Variants in GEMIN5 observed in about 807,000 individuals in gnomAD.
GEMIN5 encodes gem nuclear organelle associated protein 5.
In GEMIN5, 124 loss-of-function variants were observed where a neutral mutation model predicts 176.9. The ratio of observed to expected loss-of-function variants is 0.70; its 90% CI spans 0.61 to 0.81. GEMIN5 has a LOEUF of 0.81. GEMIN5 is among the 40% of genes least tolerant of loss of function. GEMIN5 has a pLI of 0.00. For missense variants in GEMIN5, 1,843 were observed against 1,814.6 expected (o/e 1.02, Z -0.28); for synonymous variants, 673 against 665.2 (o/e 1.01, Z -0.18).
chr5:154,902,490 A>G (rs1763485405), intron 20 of GEMIN5, 49 bp downstream of exon 20: 4 of 1,581,330 alleles, frequency 2.5e-6, no homozygotes, highest in Non-Finnish European at 3.5e-6. Flanking sequence ...GACGTATCCT[A>G]GAGATGATAG....
intron 8 of GEMIN5, among the ~76,000 whole-genome samples, 158 bp from the exon 9 acceptor site, chr5:154,924,712 G>C (rs188420129): frequency 6.6e-6 from 1 of 152,182 alleles, no homozygotes; most frequent in Non-Finnish European, 1.5e-5. Context: ...AAAGTCGGCC[G>C]GGCGCAGTGG....
At chr5:154,904,789 C>T (rs1448220518) in intron 17 of GEMIN5, among the ~76,000 whole-genome samples, 160 bp from the exon 18 acceptor site, 1 of 152,114 alleles carries the variant, frequency 6.6e-6, no homozygotes, top group East Asian at 1.9e-4. Context: ...TTGCTGGGGG[C>T]ATTGTTCACA....
In GEMIN5 at chr5:154,887,485, C is replaced by T. The variant is rs1056363114; in HGVS notation, c.*725G>A. ...CTATGATCCAAGAAAGTTTAAGAACCATTGAAACAGTAATTTATTCCTGAG... is the reference window on the plus strand; with the variant it reads ...CTATGATCCAAGAAAGTTTAAGAACTATTGAAACAGTAATTTATTCCTGAG... On this transcript the variant is annotated 3_prime_UTR_variant, in exon 28 of 28. Coordinates refer to ENST00000285873, the MANE Select transcript of GEMIN5 (RefSeq NM_015465.5). 6 of 152,134 alleles carry T rather than the reference C, an allele frequency of 3.9e-5. No individual in the cohort carries two copies. The highest frequency in any genetic ancestry group is 1.4e-4 in the African/African-American group (6 of 41,430). The allele number at this position is 152,134 out of a possible 1,614,324, so 9.4% of individuals were successfully genotyped here. A position where few individuals can be genotyped will look rare whatever the true frequency, so the allele number is the denominator to read the frequency against.
intron 9 of GEMIN5, among the ~76,000 whole-genome samples, chr5:154,923,909 G>A (rs903285798): frequency 2.0e-5 from 3 of 151,986 alleles, no homozygotes; most frequent in African/African-American, 4.8e-5. Context: ...CTAGAGCAGC[G>A]GTGTACAAAA....
At position 154,887,975 on chromosome 5, in the gene GEMIN5, A is replaced by C; in HGVS notation, c.*235T>G. The C allele has an allele frequency of 2.0e-6, 1 of 498,820 alleles. No homozygotes were observed. The allele number at this position is 498,820 out of a possible 1,614,324, so 30.9% of individuals were successfully genotyped here. On this transcript the variant is annotated 3_prime_UTR_variant, in exon 28 of 28. Coordinates refer to ENST00000285873, the MANE Select transcript of GEMIN5 (RefSeq NM_015465.5). The stretch of plus-strand genomic sequence containing the variant: ...CTGCAGGTGTTAGTTCTGAATAACT[A>C]CTGTGGGCTTTTCATGATCTTCCCT...
At chr5:154,907,160 C>T (rs759324027) in intron 16 of GEMIN5, among the ~76,000 whole-genome samples, 2 of 152,244 alleles carry the variant, frequency 1.3e-5, no homozygotes, top group East Asian at 1.9e-4. Context: ...ACAAACTCCA[C>T]GTAAGGGGGT....
chr5:154,897,837 A>G (rs1763381902), intron 23 of GEMIN5, among the ~76,000 whole-genome samples: 1 of 151,978 alleles, frequency 6.6e-6, no homozygotes, highest in Non-Finnish European at 1.5e-5. Flanking sequence ...TTCAAGGAAG[A>G]CAGTGCTGAT....
rs1299873536 is a variant in GEMIN5, at chr5:154,889,385, G to A, written c.4295C>T (p.Pro1432Leu). The change falls in exon 27 of 28, where the codon CCT becomes CTT. Residue 1432 changes from proline to leucine, a missense_variant. By Grantham distance (98) the Pro-to-Leu change is moderately conservative. Transcript: ENST00000285873. ...CTCGGTAAGCCTTTTGGTTAACTCA[G>A]GCAGAGAAAGTGGCTCATTTTTTTC... is the stretch of plus-strand genomic sequence containing the variant. ...KEEKNEPLSL[P>L]ELTKRLTEAN... 6.2e-7 allele frequency: 1 copy of A among 1,609,718 alleles called. No individual in the cohort carries two copies. Among genetic ancestry groups the A allele is most frequent in the African/African-American group, 1.3e-5 (1 of 74,938 alleles).
chr5:154,903,762 G>A (rs532308149), intron 18 of GEMIN5, among the ~76,000 whole-genome samples: 1 of 151,876 alleles, frequency 6.6e-6, no homozygotes, highest in Non-Finnish European at 1.5e-5. Context: ...AGGGAGGATG[G>A]TCCTCCATTC....
chr5:154,903,294 G>T, intron 18 of GEMIN5, 119 bp from the exon 19 acceptor site: 1 of 666,826 alleles, frequency 1.5e-6, no homozygotes, highest in Non-Finnish European at 2.6e-6. Flanking sequence ...GAGAATCAGA[G>T]CTCTAACAGA....
Position 154,914,822 on chromosome 5 carries a change from A to T in GEMIN5, c.1856-1784T>A, listed in dbSNP as rs145580824. 2.0e-5 allele frequency among the ~76,000 whole-genome samples: 3 copies of T among 152,324 alleles called. No homozygotes were observed. The East Asian group carries it at 5.8e-4, about 29-fold the overall frequency. ...GATTAAACTATTATATATTAAGTTA[A>T]ACTAACAAACTGATAATTGGTAGGA... On this transcript the variant is annotated intron_variant, in intron 13 of 27. Transcript: ENST00000285873.
intron 8 of GEMIN5, among the ~76,000 whole-genome samples, chr5:154,924,958 C>T (rs1763999601): frequency 6.6e-6 from 1 of 152,042 alleles, no homozygotes; most frequent in African/African-American, 2.4e-5. Flanking sequence ...CACTGCACTC[C>T]AGCCTGGGCG....
intron 9 of GEMIN5, among the ~76,000 whole-genome samples, chr5:154,923,385 A>C (rs1049014318): frequency 6.6e-5 from 10 of 152,316 alleles, no homozygotes; most frequent in African/African-American, 2.4e-4. Context: ...TGTCTCCAAA[A>C]AAAAAAGGAC....
At chr5:154,891,875 C>T (rs187406726) in intron 25 of GEMIN5, 133 bp from the exon 26 acceptor site, 52 of 839,760 alleles carry the variant, frequency 6.2e-5, no homozygotes, top group East Asian at 2.3e-4. Flanking sequence ...TGTGATCCAC[C>T]GGGCCACATG....
intron 26 of GEMIN5, among the ~76,000 whole-genome samples, chr5:154,890,770 T>C (rs1436891673): frequency 1.3e-5 from 2 of 152,022 alleles, no homozygotes; most frequent in Admixed American, 1.3e-4. Flanking sequence ...GGTTACTTTA[T>C]TTGTATTTTT....
In GEMIN5 at chr5:154,888,050, G is replaced by A. The variant is rs943041242; in HGVS notation, c.*160C>T. ...TAAAGTCAGATCCACCGTTGTCTAT[G>A]GGTAGGCAGGGTTGATTCAAACTTA... On this transcript the variant is annotated 3_prime_UTR_variant, in exon 28 of 28. Coordinates refer to ENST00000285873, the MANE Select transcript of GEMIN5 (RefSeq NM_015465.5). The A allele has an allele frequency of 7.6e-6, 5 of 656,056 alleles. No homozygotes were observed. The highest frequency in any genetic ancestry group is 2.8e-5 in the Admixed American group (1 of 35,146). The allele number at this position is 656,056 out of a possible 1,614,324, so 40.6% of individuals were successfully genotyped here.
At chr5:154,893,829 G>T (rs545350911) in intron 24 of GEMIN5, among the ~76,000 whole-genome samples, 3 of 152,072 alleles carry the variant, frequency 2.0e-5, no homozygotes, top group Admixed American at 6.5e-5. Flanking sequence ...CTGTAAGCTT[G>T]GCCTCCTGGG....
Position 154,937,085 on chromosome 5 carries a change from C to G in GEMIN5, c.267G>C (p.Gly89=). Residue 89 remains glycine, a synonymous_variant, in exon 2 of 28, where the codon GGG becomes GGC. Coordinates refer to ENST00000285873, the MANE Select transcript of GEMIN5 (RefSeq NM_015465.5). ...TCTCTACATCCCATATTTTCACAGTCCCATCGTCGGAGCTGGTGGCACAGA... is the reference window on the plus strand; with the variant it reads ...TCTCTACATCCCATATTTTCACAGTGCCATCGTCGGAGCTGGTGGCACAGA... ...YNLCATSSDD[G]TVKIWDVETK... 1 of 1,613,846 alleles carries G rather than the reference C, an allele frequency of 6.2e-7. No homozygotes were observed. Among genetic ancestry groups the G allele is most frequent in the Non-Finnish European group, 8.5e-7 (1 of 1,179,764 alleles).
chr5:154,899,931 T>TA (rs568554047), intron 21 of GEMIN5, among the ~76,000 whole-genome samples: 4,590 of 142,012 alleles, frequency 0.032, 210 homozygotes, highest in African/African-American at 0.11. Flanking sequence ...TTCTTTCTTC[T>TA]AAAAAAAAAA....
Sources: gnomAD v4.1 joint callset for allele counts (sites outside exome capture counted in the v4.1 genomes callset) on GRCh38, gnomAD v4.1.1 for gene constraint, MANE v1.5 for transcripts, NCBI Gene and HGNC (gene_info 2026-07-23, HGNC 2026-07-21) for gene names.